The following ZNF234 variants were observed in gnomAD, a reference collection of about 807,000 sequenced individuals.
ZNF234 encodes the protein C2-H2 type zinc finger protein.
Under a neutral mutation model 10.3 loss-of-function variants are expected in ZNF234, and 4 were observed. The observed-to-expected ratio is 0.39, with a 90% CI of 0.19 to 0.89. The LOEUF (loss-of-function observed/expected upper bound fraction) is 0.89. Ranked by LOEUF, ZNF234 falls within the 40% of genes least tolerant of loss-of-function variation. ZNF234 has a pLI of 0.38. For synonymous variants in ZNF234, 258 were observed against 280.1 expected (o/e 0.92, Z 0.79); for missense variants, 711 against 836.1 (o/e 0.85, Z 1.85).
chr19:44,142,508 G>T (rs1250824602), intron 2 of ZNF234, 141 bp downstream of exon 2: 1 of 152,188 alleles, frequency 6.6e-6, no homozygotes, highest in Non-Finnish European at 1.5e-5. Context: ...CGTTTAAGCC[G>T]CAACGTGACT....
chr19:44,148,273 G>A (rs954571745), intron 3 of ZNF234, among the ~76,000 whole-genome samples: 2 of 152,182 alleles, frequency 1.3e-5, no homozygotes, highest in African/African-American at 4.8e-5. Flanking sequence ...GGTAATGCTG[G>A]TGCTGTGTGC....
chr19:44,144,344 A>C (rs1968540671), intron 2 of ZNF234, among the ~76,000 whole-genome samples: 1 of 152,196 alleles, frequency 6.6e-6, no homozygotes, highest in Non-Finnish European at 1.5e-5. Context: ...TCAGTACTTC[A>C]TTCCTCTTAA....
chr19:44,154,017 A>G (rs778593412), intron 5 of ZNF234, among the ~76,000 whole-genome samples: 1 of 152,232 alleles, frequency 6.6e-6, no homozygotes, highest in Non-Finnish European at 1.5e-5. Flanking sequence ...TAGTGTGTCC[A>G]GTGGTTAAAA....
At chr19:44,147,589 A>C (rs1432386026) in intron 3 of ZNF234, among the ~76,000 whole-genome samples, 1 of 152,066 alleles carries the variant, frequency 6.6e-6, no homozygotes, top group Non-Finnish European at 1.5e-5. Context: ...CGGGTGACTC[A>C]TGCCTGTAAT....
intron 2 of ZNF234, among the ~76,000 whole-genome samples, chr19:44,144,286 T>A (rs1968538912): frequency 6.6e-6 from 1 of 152,252 alleles, no homozygotes; most frequent in Non-Finnish European, 1.5e-5. Flanking sequence ...GCCTGGCTTC[T>A]TTCACTCAGC....
At chr19:44,144,481 T>C in intron 2 of ZNF234, 76 bp from the exon 3 acceptor site, 1 of 529,370 alleles carries the variant, frequency 1.9e-6, no homozygotes, top group Non-Finnish European at 3.1e-6. Context: ...ATTCGTGTGC[T>C]AATTCACAGT....
In ZNF234 at chr19:44,157,454, G is replaced by A. The variant is rs755995827; in HGVS notation, c.1438G>A (p.Gly480Ser). The stretch of plus-strand genomic sequence containing the variant: ...TCAGATTCACCAGCTGATCCATACC[G>A]GTGAGAAACCATACAAATGTGAAGA... ...RLQIHQLIHTGEKPYKCEECG... is the reference protein window; with the variant it reads ...RLQIHQLIHTSEKPYKCEECG... Residue 480 changes from glycine to serine, a missense_variant, in exon 6 of 6, where the codon GGT (glycine) becomes AGT (serine). Coordinates refer to ENST00000426739, the MANE Select transcript of ZNF234 (RefSeq NM_006630.3). 16 of 1,613,900 alleles carry A rather than the reference G, an allele frequency of 9.9e-6. No homozygotes were observed. Among genetic ancestry groups the A allele is most frequent in the Admixed American group, 3.3e-5 (2 of 60,016 alleles).
chr19:44,155,112 G>A (rs1376248850), intron 5 of ZNF234, among the ~76,000 whole-genome samples: 4 of 152,102 alleles, frequency 2.6e-5, no homozygotes, highest in Non-Finnish European at 5.9e-5. Context: ...ATATTATTAA[G>A]GATAAACCTT....
intron 3 of ZNF234, among the ~76,000 whole-genome samples, chr19:44,147,217 T>G (rs892112886): frequency 6.6e-6 from 1 of 152,148 alleles, no homozygotes; most frequent in Non-Finnish European, 1.5e-5. Context: ...TGATGTTTTA[T>G]TTTTTATTTG....
chr19:44,144,641 A>C lies in ZNF234; in HGVS notation c.9A>C (p.Thr3=). 6.4e-7 allele frequency: 1 copy of C among 1,563,748 alleles called. No individual in the cohort carries two copies. Among genetic ancestry groups the C allele is most frequent in the South Asian group, 1.2e-5 (1 of 81,750 alleles). MT[T]FKEGLTFKDV... is the part of the protein sequence containing the mutation. ...CAGAAACAGGAGGAAAAATGACCAC[A>C]TTCAAGGTGAATAAGGCTTGCCACT... Residue 3 remains threonine (T), a synonymous_variant, in exon 3 of 6, where the codon ACA becomes ACC. Transcript: ENST00000426739.
chr19:44,153,560 A>C (rs1419726415), intron 5 of ZNF234, among the ~76,000 whole-genome samples: 1 of 152,070 alleles, frequency 6.6e-6, no homozygotes, highest in Non-Finnish European at 1.5e-5. Context: ...AATTTGAAAA[A>C]CTGTTGTGAA....
Position 44,157,873 on chromosome 19 carries a change from A to C in ZNF234, c.1857A>C (p.Thr619=). 6.2e-7 allele frequency: 1 copy of C among 1,614,174 alleles called. No homozygotes were observed. The highest frequency in any genetic ancestry group is 1.1e-5 in the South Asian group (1 of 91,082). Residue 619 remains threonine (T), a synonymous_variant, in exon 6 of 6, where the codon ACA becomes ACC. Coordinates refer to ENST00000426739, the MANE Select transcript of ZNF234 (RefSeq NM_006630.3). ...SSLQLHQSVH[T]GEKPYKCDVC... ...TCCAACTTCATCAGAGTGTCCACAC[A>C]GGAGAGAAACCATACAAATGTGATG... is the stretch of plus-strand genomic sequence containing the variant.
chr19:44,156,475 C>T lies in ZNF234; in HGVS notation c.459C>T (p.Tyr153=), dbSNP rs1568553480. ...AGAAATTTTACCAATGTGATGAGTA[C>T]AAAAAATCCTTCACTGATGTCTTCA... ...TGQKFYQCDE[Y]KKSFTDVFNF... is the part of the protein sequence containing the mutation. The change falls in exon 6 of 6, where the codon TAC becomes TAT. Residue 153 remains tyrosine (Y), a synonymous_variant. Coordinates refer to ENST00000426739, the MANE Select transcript of ZNF234 (RefSeq NM_006630.3). The T allele has an allele frequency of 1.2e-6, 2 of 1,613,946 alleles. No homozygotes were observed. Among genetic ancestry groups the T allele is most frequent in the Admixed American group, 3.3e-5 (2 of 60,012 alleles).
At position 44,144,568 on chromosome 19, in the gene ZNF234, C is replaced by G; in HGVS notation, c.-65C>G. 7.0e-7 allele frequency: 1 copy of G among 1,429,928 alleles called. No homozygotes were observed. The highest frequency in any genetic ancestry group is 9.3e-7 in the Non-Finnish European group (1 of 1,073,544). The allele number at this position is 1,429,928 out of a possible 1,614,324, so 88.6% of individuals were successfully genotyped here. Reference sequence around the variant, plus strand: ...TGTGTCTTCCATAGTGTTCCAGGCACGATTCTGCCTTCTCTCAAATGGCAT... The same window carrying G: ...TGTGTCTTCCATAGTGTTCCAGGCAGGATTCTGCCTTCTCTCAAATGGCAT... On this transcript the variant is annotated 5_prime_UTR_variant, in exon 3 of 6. Transcript: ENST00000426739.
chr19:44,144,405 T>G (rs541802993), intron 2 of ZNF234, among the ~76,000 whole-genome samples, 152 bp from the exon 3 acceptor site: 1 of 152,170 alleles, frequency 6.6e-6, no homozygotes, highest in Non-Finnish European at 1.5e-5. Flanking sequence ...GTCTATCCAT[T>G]TTTCCATAGG....
rs192928867 is a variant in ZNF234, at chr19:44,141,989, G to A, written c.-131+256G>A. ...CTCTCCTTGCTGTTCTTTAAAATGG[G>A]GACGTTAGGACCATCTTTGTAGAAT... On this transcript the variant is annotated intron_variant, in intron 1 of 5. Transcript: ENST00000426739. The surrounding 1 kb of genome is among the most constrained non-coding windows in gnomAD (Gnocchi z 4.6). 2 of 152,396 alleles carry A rather than the reference G, an allele frequency of 1.3e-5. No individual in the cohort carries two copies. The allele number at this position is 152,396 out of a possible 1,614,324, so 9.4% of individuals were successfully genotyped here. A position where few individuals can be genotyped will look rare whatever the true frequency, so the allele number is the denominator to read the frequency against.
intron 4 of ZNF234, 50 bp from the exon 5 acceptor site, chr19:44,150,363 G>A: frequency 1.4e-6 from 2 of 1,460,260 alleles, no homozygotes; most frequent in African/African-American, 2.8e-5. Flanking sequence ...AGTAAGTTCA[G>A]TTGTACCTTT....
At chr19:44,149,405 G>A (rs1298497468) in intron 4 of ZNF234, among the ~76,000 whole-genome samples, 1 of 152,006 alleles carries the variant, frequency 6.6e-6, no homozygotes, top group African/African-American at 2.4e-5. Flanking sequence ...CCTAGATCAC[G>A]CCACTGCACT....
At chr19:44,142,008 G>A (rs1460713952) in intron 1 of ZNF234, 1 of 152,284 alleles carries the variant, frequency 6.6e-6, no homozygotes, top group African/African-American at 2.4e-5. Flanking sequence ...GACCATCTTT[G>A]TAGAATCGTT....
Sources: allele counts gnomAD v4.1 joint callset (sites outside exome capture counted in the v4.1 genomes callset), GRCh38; gene constraint gnomAD v4.1.1; non-coding constraint Gnocchi (gnomAD v3.1); transcripts MANE v1.5; gene names NCBI Gene and HGNC (gene_info 2026-07-23, HGNC 2026-07-21).